Variants in ROBO1 observed in about 807,000 individuals in gnomAD.
ROBO1 encodes roundabout guidance receptor 1.
A neutral mutation model predicts 195.9 loss-of-function variants in ROBO1; 149 were observed. That is an observed-to-expected ratio of 0.76 (90% CI 0.67 to 0.87). The LOEUF is 0.87. Ranked by LOEUF, ROBO1 falls within the 40% of genes least tolerant of loss-of-function variation. The pLI is 0.00. For missense variants in ROBO1, 1,933 were observed against 2,068.3 expected (o/e 0.93, Z 1.27); for synonymous variants, 816 against 733.2 (o/e 1.11, Z -1.82).
intron 4 of ROBO1, among the ~76,000 whole-genome samples, chr3:78,795,478 G>C (rs1370004544): frequency 6.6e-6 from 1 of 152,236 alleles, no homozygotes; most frequent in Non-Finnish European, 1.5e-5. Context: ...AAGGGAACCA[G>C]ATGCCATCTT....
chr3:79,207,539 G>A (rs2081892155), intron 2 of ROBO1, among the ~76,000 whole-genome samples: 2 of 152,116 alleles, frequency 1.3e-5, no homozygotes, highest in African/African-American at 2.4e-5. Context: ...TATAATGAGA[G>A]ACTAAACCAG....
In ROBO1 at chr3:78,899,575, A is replaced by T. The variant is rs143083658; in HGVS notation, c.499+39026T>A. Among the ~76,000 whole-genome samples the T allele has an allele frequency of 2.6e-5, 4 of 152,282 alleles. No individual in the cohort carries two copies. The East Asian group carries it at 7.7e-4, about 29-fold the overall frequency. On this transcript the variant is annotated intron_variant, in intron 4 of 30. Transcript: ENST00000464233. ...GCTGTTCAATCAAAATTTTTAAACAACCATAAATATGGCATTGCTATAAAG... is the reference window on the plus strand; with the variant it reads ...GCTGTTCAATCAAAATTTTTAAACATCCATAAATATGGCATTGCTATAAAG...
At chr3:79,469,480 A>T (rs1938150163) in intron 2 of ROBO1, among the ~76,000 whole-genome samples, 1 of 152,210 alleles carries the variant, frequency 6.6e-6, no homozygotes, top group East Asian at 1.9e-4. Flanking sequence ...GACCTGAAAA[A>T]ATTGACTTTA....
In ROBO1 at chr3:78,842,212, A is replaced by G. The variant is rs1370262563; in HGVS notation, c.500-95312T>C. On this transcript the variant is annotated intron_variant, in intron 4 of 30. Transcript: ENST00000464233. ...TTATATGAGCCATATATATATTTAT[A>G]TATATGAGCCATATATATATTTATA... is the stretch of plus-strand genomic sequence containing the variant. Among the ~76,000 whole-genome samples the G allele has an allele frequency of 7.0e-5, 7 of 100,052 alleles. 1 individual carries two copies. The East Asian group carries it at 1.8e-3, about 25-fold the overall frequency. The allele number at this position is 100,052 out of a possible 152,430, so 65.6% of individuals were successfully genotyped here.
At chr3:79,372,463 C>A (rs530033966) in intron 2 of ROBO1, among the ~76,000 whole-genome samples, 2 of 152,118 alleles carry the variant, frequency 1.3e-5, no homozygotes, top group East Asian at 3.9e-4. Flanking sequence ...CCCGCCTTGG[C>A]CTCCCAAAGT....
intron 2 of ROBO1, among the ~76,000 whole-genome samples, chr3:79,329,973 G>T (rs977799755): frequency 3.9e-5 from 6 of 151,906 alleles, no homozygotes; most frequent in Admixed American, 3.9e-4. Flanking sequence ...ACTGGAACTC[G>T]CAGATGGTAA....
At chr3:79,653,825 T>C (rs1264539077) in intron 1 of ROBO1, among the ~76,000 whole-genome samples, 1 of 151,988 alleles carries the variant, frequency 6.6e-6, no homozygotes, top group Non-Finnish European at 1.5e-5. Flanking sequence ...TATTCATCTA[T>C]ACAGTATTAT....
chr3:79,000,447 T>G (rs146276121), intron 3 of ROBO1, among the ~76,000 whole-genome samples: 356 of 152,078 alleles, frequency 2.3e-3, no homozygotes, highest in African/African-American at 8.2e-3. Flanking sequence ...AACAACCCCA[T>G]CAAAAAGTGG....
chr3:79,766,530 C>G (rs1490920445), intron 1 of ROBO1, among the ~76,000 whole-genome samples: 1 of 151,902 alleles, frequency 6.6e-6, no homozygotes, highest in Non-Finnish European at 1.5e-5. Flanking sequence ...TCCGAGACCT[C>G]AGGGCGCGTG....
At chr3:79,330,511 G>A (rs1559822703) in intron 2 of ROBO1, among the ~76,000 whole-genome samples, 1 of 151,008 alleles carries the variant, frequency 6.6e-6, no homozygotes, top group Non-Finnish European at 1.5e-5. Flanking sequence ...TATATGAAAT[G>A]AAAATTGTAT....
chr3:79,260,513 T>C (rs1262202150), intron 2 of ROBO1, among the ~76,000 whole-genome samples: 1 of 152,180 alleles, frequency 6.6e-6, no homozygotes, highest in Non-Finnish European at 1.5e-5. Context: ...CAGAAATACA[T>C]AAACTTTGCT....
At chr3:78,941,423 GC>G in intron 3 of ROBO1, among the ~76,000 whole-genome samples, 1 of 152,186 alleles carries the variant, frequency 6.6e-6, no homozygotes, top group Non-Finnish European at 1.5e-5. Flanking sequence ...TATGTTCTTG[GC>G]CTTTACCTTG....
intron 8 of ROBO1, among the ~76,000 whole-genome samples, chr3:78,707,088 G>C (rs1234766667): frequency 2.6e-5 from 4 of 152,174 alleles, no homozygotes; most frequent in Non-Finnish European, 5.9e-5. Flanking sequence ...TTGTTTTACT[G>C]AAAGTTATAA....
chr3:78,616,498 T>C (rs1575780839), intron 27 of ROBO1, among the ~76,000 whole-genome samples: 1 of 152,248 alleles, frequency 6.6e-6, no homozygotes, highest in East Asian at 1.9e-4. Flanking sequence ...ATAAATAATA[T>C]ATAGAGATGA....
At chr3:78,672,033 A>T (rs566368497) in intron 10 of ROBO1, among the ~76,000 whole-genome samples, 2,175 of 152,292 alleles carry the variant, frequency 0.014, 36 homozygotes, top group African/African-American at 0.05. Flanking sequence ...AGCATCTGCC[A>T]TATGTCTTTG....
At chr3:78,881,900 TG>T (rs1306817400) in intron 4 of ROBO1, among the ~76,000 whole-genome samples, 3 of 152,226 alleles carry the variant, frequency 2.0e-5, no homozygotes, top group Non-Finnish European at 4.4e-5. Flanking sequence ...ATAGATCAAA[TG>T]GAAAAAAATA....
intron 26 of ROBO1, among the ~76,000 whole-genome samples, chr3:78,618,417 TG>T (rs1235703538): frequency 6.6e-6 from 1 of 152,240 alleles, no homozygotes; most frequent in Non-Finnish European, 1.5e-5. Flanking sequence ...TTATCATTAC[TG>T]AAGACAACTG....
chr3:78,694,447 T>C (rs2107881871), intron 8 of ROBO1, among the ~76,000 whole-genome samples: 1 of 152,290 alleles, frequency 6.6e-6, no homozygotes, highest in Non-Finnish European at 1.5e-5. Context: ...CATACTTTTG[T>C]CCCATACGCA....
At chr3:79,373,874 C>T (rs1274827870) in intron 2 of ROBO1, among the ~76,000 whole-genome samples, 1 of 152,084 alleles carries the variant, frequency 6.6e-6, no homozygotes, top group Admixed American at 6.5e-5. Flanking sequence ...CCCTTGGGGA[C>T]CTTTAGATCT....
Sources: allele counts gnomAD v4.1 joint callset (sites outside exome capture counted in the v4.1 genomes callset), GRCh38; gene constraint gnomAD v4.1.1; transcripts MANE v1.5; gene names NCBI Gene and HGNC (gene_info 2026-07-23, HGNC 2026-07-21).